The following MACROD2 variants were observed in gnomAD, a reference collection of about 807,000 sequenced individuals.
MACROD2 encodes the protein mono-ADP ribosylhydrolase 2.
A neutral mutation model predicts 70.4 loss-of-function variants in MACROD2; 36 were observed. That is an observed-to-expected ratio of 0.51 (90% CI 0.39 to 0.68). The LOEUF (loss-of-function observed/expected upper bound fraction) is 0.68. Ranked by LOEUF, MACROD2 falls within the 30% of genes least tolerant of loss-of-function variation. The pLI is 0.00. For synonymous variants in MACROD2, 172 were observed against 178.8 expected, an observed-to-expected ratio of 0.96 and a Z score of 0.30; for missense variants, 496 against 538.4, an observed-to-expected ratio of 0.92 and a Z score of 0.78.
intron 5 of MACROD2, among the ~76,000 whole-genome samples, chr20:14,948,600 T>A (rs1206210242): frequency 6.6e-6 from 1 of 152,160 alleles, no homozygotes; most frequent in Non-Finnish European, 1.5e-5. Context: ...CTTCTGGTCT[T>A]TTGCTGGTGC....
intron 5 of MACROD2, among the ~76,000 whole-genome samples, chr20:14,824,346 G>A (rs1309793476): frequency 6.6e-6 from 1 of 152,032 alleles, no homozygotes; most frequent in Non-Finnish European, 1.5e-5. Context: ...TCTCCTGGTT[G>A]TCTGTTGCTA....
intron 8 of MACROD2, among the ~76,000 whole-genome samples, chr20:15,848,235 C>T (rs573941752): frequency 6.6e-6 from 1 of 152,148 alleles, no homozygotes; most frequent in East Asian, 1.9e-4. Flanking sequence ...TGCAAATGTA[C>T]CAATACACCA....
intron 6 of MACROD2, among the ~76,000 whole-genome samples, chr20:15,260,401 G>A (rs1022571228): frequency 1.4e-5 from 2 of 147,588 alleles, no homozygotes; most frequent in African/African-American, 5.0e-5. Flanking sequence ...TTCTTTCTTT[G>A]CCTGACTTAT....
chr20:14,643,388 C>T (rs2123495636), intron 4 of MACROD2, among the ~76,000 whole-genome samples: 1 of 152,288 alleles, frequency 6.6e-6, no homozygotes, highest in South Asian at 2.1e-4. Flanking sequence ...ATCCACAATT[C>T]AAAGCTCATG....
chr20:14,170,311 C>T (rs1320321807), intron 3 of MACROD2, among the ~76,000 whole-genome samples: 1 of 152,200 alleles, frequency 6.6e-6, no homozygotes, highest in Non-Finnish European at 1.5e-5. Context: ...TTGACTAACT[C>T]TTTAATGATT....
At chr20:15,638,329 G>A (rs1411864428) in intron 8 of MACROD2, among the ~76,000 whole-genome samples, 2 of 152,134 alleles carry the variant, frequency 1.3e-5, no homozygotes, top group African/African-American at 4.8e-5. Context: ...ACCAGTGTTG[G>A]GTTTTTTTGT....
chr20:15,676,973 A>T (rs926700480), intron 8 of MACROD2, among the ~76,000 whole-genome samples: 1 of 152,188 alleles, frequency 6.6e-6, no homozygotes, highest in African/African-American at 2.4e-5. Context: ...TCTAAGTCAA[A>T]TTTTTGAATG....
intron 5 of MACROD2, among the ~76,000 whole-genome samples, chr20:15,063,603 T>C (rs528422880): frequency 8.5e-5 from 13 of 152,292 alleles, no homozygotes; most frequent in Non-Finnish European, 1.3e-4. Context: ...CACATTCAAA[T>C]AAATATACTT....
intron 3 of MACROD2, among the ~76,000 whole-genome samples, chr20:14,178,353 A>G (rs1248719186): frequency 6.6e-6 from 1 of 151,892 alleles, no homozygotes; most frequent in African/African-American, 2.4e-5. Flanking sequence ...AAAAAATAAT[A>G]ATTTTTAAAA....
chr20:15,397,505 G>T (rs2045875480), intron 6 of MACROD2, among the ~76,000 whole-genome samples: 2 of 152,046 alleles, frequency 1.3e-5, no homozygotes, highest in Admixed American at 1.3e-4. Flanking sequence ...TCACCAAGTT[G>T]CTCAGGCTGG....
chr20:14,513,306 T>C (rs1417428926), intron 4 of MACROD2, among the ~76,000 whole-genome samples: 1 of 152,120 alleles, frequency 6.6e-6, no homozygotes, highest in Non-Finnish European at 1.5e-5. Context: ...GACAGAGAGC[T>C]TTAAAGATAC....
intron 4 of MACROD2, among the ~76,000 whole-genome samples, chr20:14,598,552 T>C (rs1433198193): frequency 1.3e-5 from 2 of 152,222 alleles, no homozygotes; most frequent in Admixed American, 1.3e-4. Flanking sequence ...ATATTTTGCA[T>C]TCCTAATCCT....
At chr20:15,014,938 T>A (rs1045670937) in intron 5 of MACROD2, among the ~76,000 whole-genome samples, 2 of 152,092 alleles carry the variant, frequency 1.3e-5, no homozygotes, top group Non-Finnish European at 2.9e-5. Context: ...TACTCTTTTG[T>A]AATAATTTTG....
intron 5 of MACROD2, among the ~76,000 whole-genome samples, chr20:15,082,285 A>C (rs1189030237): frequency 6.6e-6 from 1 of 152,204 alleles, no homozygotes; most frequent in Non-Finnish European, 1.5e-5. Context: ...AATAAAGGGA[A>C]GCCATTGGAG....
chr20:14,561,729 G>A (rs893242853), intron 4 of MACROD2, among the ~76,000 whole-genome samples: 2 of 151,828 alleles, frequency 1.3e-5, no homozygotes, highest in Admixed American at 6.6e-5. Context: ...CTTCATGTGA[G>A]TTACTTGAAA....
intron 5 of MACROD2, among the ~76,000 whole-genome samples, chr20:15,203,762 G>C (rs1346947976): frequency 2.0e-5 from 3 of 152,048 alleles, no homozygotes; most frequent in East Asian, 3.8e-4. Context: ...TTACATAGCA[G>C]TTTTTCATAA....
intron 2 of MACROD2, among the ~76,000 whole-genome samples, chr20:14,061,534 C>A (rs1003679094): frequency 2.0e-5 from 3 of 151,906 alleles, no homozygotes; most frequent in African/African-American, 7.3e-5. Flanking sequence ...GAAAAGGTTG[C>A]GAGGGTGCTG....
At chr20:15,173,633 A>AATTT (rs779473770) in intron 5 of MACROD2, among the ~76,000 whole-genome samples, 25 of 148,614 alleles carry the variant, frequency 1.7e-4, no homozygotes, top group Non-Finnish European at 2.2e-4. Flanking sequence ...GTTTTAATTC[A>AATTT]ATTTTTTTTT....
chr20:15,299,815 G>A (rs954685201), intron 6 of MACROD2, among the ~76,000 whole-genome samples: 3 of 152,210 alleles, frequency 2.0e-5, no homozygotes, highest in African/African-American at 7.2e-5. Flanking sequence ...TCCAGACATG[G>A]ATGGGTATGG....
Sources: gnomAD v4.1 joint callset for allele counts (sites outside exome capture counted in the v4.1 genomes callset) on GRCh38, gnomAD v4.1.1 for gene constraint, MANE v1.5 for transcripts, NCBI Gene and HGNC (gene_info 2026-07-23, HGNC 2026-07-21) for gene names.